Variants in COMMD10 observed in about 807,000 individuals in gnomAD.
COMMD10 encodes COMM domain-containing protein 10.
Under a neutral mutation model 28.9 loss-of-function variants are expected in COMMD10, and 33 were observed. The observed-to-expected ratio is 1.14, with a 90% CI of 0.87 to 1.53. The LOEUF (loss-of-function observed/expected upper bound fraction) is 1.53, where lower values mean the gene tolerates loss of function less well. Among genes scored for constraint, COMMD10 ranks in the 40% most tolerant of loss-of-function variants. The probability of loss-of-function intolerance (pLI) is 0.00; values close to 1 mark genes in which losing one functional copy is unlikely to be tolerated. For synonymous variants in COMMD10, 110 were observed against 81.7 expected, an observed-to-expected ratio of 1.35 and a Z score of -1.87; for missense variants, 310 against 233.4, an observed-to-expected ratio of 1.33 and a Z score of -2.14.
chr5:116,232,768 A>G (rs1749561508), intron 5 of COMMD10, among the ~76,000 whole-genome samples: 1 of 152,176 alleles, frequency 6.6e-6, no homozygotes, highest in African/African-American at 2.4e-5. Flanking sequence ...ACGTTGAATA[A>G]TTCATTAGAC....
intron 5 of COMMD10, among the ~76,000 whole-genome samples, chr5:116,271,558 C>CT (rs1467165950): frequency 1.3e-5 from 2 of 151,574 alleles, no homozygotes; most frequent in African/African-American, 4.9e-5. Flanking sequence ...AGCATGACGA[C>CT]TAATGTGGTT....
intron 5 of COMMD10, among the ~76,000 whole-genome samples, chr5:116,146,398 T>C (rs1221845746): frequency 6.6e-6 from 1 of 151,900 alleles, no homozygotes. Context: ...GTATGTTGTT[T>C]GAATTATATT....
At position 116,108,349 on chromosome 5, in the gene COMMD10, C is replaced by G. The variant is rs1430140638; in HGVS notation, c.399+15649C>G. Among the ~76,000 whole-genome samples the G allele has an allele frequency of 5.3e-5, 8 of 152,242 alleles. No individual in the cohort carries two copies. In the South Asian group the frequency reaches 1.0e-3, roughly 20 times the overall value. ...TATAAGTCCCTGACTGAGGCTACTG[C>G]CTTTTTTTCAGAGATGCCCTGCCCA... On this transcript the variant is annotated intron_variant, in intron 4 of 6. Coordinates refer to ENST00000274458, the MANE Select transcript of COMMD10 (RefSeq NM_016144.4).
rs570678292 is a variant in COMMD10 at position 116,167,945 on chromosome 5, T to G, written c.510+33767T>G. ...TCAACTAACAGGCAAAATAACCAGCTACTGTCATAATAACAGGATCAAATT... is the reference window on the plus strand; with the variant it reads ...TCAACTAACAGGCAAAATAACCAGCGACTGTCATAATAACAGGATCAAATT... On this transcript the variant is annotated intron_variant, in intron 5 of 6. Coordinates refer to ENST00000274458, the MANE Select transcript of COMMD10 (RefSeq NM_016144.4). 1.8e-4 allele frequency among the ~76,000 whole-genome samples: 27 copies of G among 152,232 alleles called. No homozygotes were observed. In the South Asian group the frequency reaches 5.4e-3, roughly 30 times the overall value.
intron 5 of COMMD10, among the ~76,000 whole-genome samples, chr5:116,233,661 A>G (rs938513918): frequency 1.3e-5 from 2 of 152,198 alleles, no homozygotes; most frequent in African/African-American, 4.8e-5. Flanking sequence ...ATAAACCACG[A>G]GGAATGTTCT....
chr5:116,105,590 G>T (rs1378331844), intron 4 of COMMD10, among the ~76,000 whole-genome samples: 1 of 152,096 alleles, frequency 6.6e-6, no homozygotes, highest in East Asian at 1.9e-4. Flanking sequence ...TCTAGTCTGG[G>T]ACTTTTTTTG....
At chr5:116,242,870 A>T (rs978896843) in intron 5 of COMMD10, among the ~76,000 whole-genome samples, 1 of 152,184 alleles carries the variant, frequency 6.6e-6, no homozygotes, top group Admixed American at 6.5e-5. Flanking sequence ...ATCGTTGGAT[A>T]GGCTTCAAAA....
chr5:116,089,879 G>C (rs1399978695), intron 2 of COMMD10, among the ~76,000 whole-genome samples: 2 of 152,138 alleles, frequency 1.3e-5, no homozygotes, highest in Non-Finnish European at 2.9e-5. Flanking sequence ...CTCCTATTTT[G>C]ATAAGGGCTT....
chr5:116,148,748 T>C (rs1158739858), intron 5 of COMMD10, among the ~76,000 whole-genome samples: 1 of 151,798 alleles, frequency 6.6e-6, no homozygotes, highest in Middle Eastern at 3.2e-3. Flanking sequence ...CTTTTGTGTA[T>C]CAAAGAACAT....
intron 4 of COMMD10, among the ~76,000 whole-genome samples, chr5:116,109,254 C>T (rs1270531971): frequency 6.6e-6 from 1 of 152,072 alleles, no homozygotes; most frequent in Non-Finnish European, 1.5e-5. Flanking sequence ...TGTAGTTCTC[C>T]TTGTGAAGAT....
At chr5:116,146,010 T>C (rs1752338284) in intron 5 of COMMD10, among the ~76,000 whole-genome samples, 1 of 151,906 alleles carries the variant, frequency 6.6e-6, no homozygotes, top group African/African-American at 2.4e-5. Context: ...TAGAGGTTTA[T>C]AGAGGAGCCT....
At chr5:116,256,134 T>A (rs1302175179) in intron 5 of COMMD10, among the ~76,000 whole-genome samples, 1 of 151,740 alleles carries the variant, frequency 6.6e-6, no homozygotes, top group East Asian at 1.9e-4. Context: ...TATTTTACTT[T>A]ATTAAAATGC....
intron 5 of COMMD10, among the ~76,000 whole-genome samples, chr5:116,189,630 G>C (rs2112609822): frequency 6.6e-6 from 1 of 152,256 alleles, no homozygotes; most frequent in Middle Eastern, 3.4e-3. Flanking sequence ...TTAATCCCTA[G>C]CTGTTTGGCA....
intron 5 of COMMD10, among the ~76,000 whole-genome samples, chr5:116,137,924 C>G (rs1410869218): frequency 6.6e-6 from 1 of 151,938 alleles, no homozygotes; most frequent in African/African-American, 2.4e-5. Context: ...AGATTATTTT[C>G]CTGTTCCACA....
chr5:116,134,075 C>G lies in COMMD10; in HGVS notation c.407C>G (p.Thr136Ser). 6.3e-7 allele frequency: 1 copy of G among 1,582,282 alleles called. No individual in the cohort carries two copies. The highest frequency in any genetic ancestry group is 8.7e-7 in the Non-Finnish European group (1 of 1,150,364). Reference sequence around the variant, plus strand: ...TGCACCTGTCTTTTATAGCTAGAGACCGTTGGATGGCAGCTTAACCTTCAG... The same window carrying G: ...TGCACCTGTCTTTTATAGCTAGAGAGCGTTGGATGGCAGCTTAACCTTCAG... The part of the protein sequence containing the change: ...QRILAPCKLE[T>S]VGWQLNLQMA... The change falls in exon 5 of 7, where the codon ACC becomes AGC. Residue 136 changes from threonine to serine, a missense_variant. By Grantham distance (58) the Thr-to-Ser change is moderately conservative (BLOSUM62 1). Transcript: ENST00000274458.
intron 5 of COMMD10, among the ~76,000 whole-genome samples, chr5:116,163,806 TTA>T (rs1291286175): frequency 2.6e-5 from 4 of 152,176 alleles, no homozygotes; most frequent in South Asian, 4.1e-4. Flanking sequence ...AAAGATGAAA[TTA>T]TATGTCTTTT....
chr5:116,092,656 GA>G lies in COMMD10; in HGVS notation c.358del (p.Thr120GlnfsTer15). ...CAATACGTGGTCTTCTATGGGTCAAGAAACAGTTGAAAAGTTCCGGCAGAGA... is the reference window on the plus strand; with the variant it reads ...CAATACGTGGTCTTCTATGGGTCAAGAACAGTTGAAAAGTTCCGGCAGAGA... The part of the protein sequence containing the change: ...FVNTWSSMGQ[E>X]TVEKFRQRIL... On this transcript the variant is annotated frameshift_variant, in exon 4 of 7. Coordinates refer to ENST00000274458, the MANE Select transcript of COMMD10 (RefSeq NM_016144.4). LOFTEE classifies it high-confidence loss of function. 6.2e-7 allele frequency: 1 copy of G among 1,610,172 alleles called. No homozygotes were observed. The highest frequency in any genetic ancestry group is 8.5e-7 in the Non-Finnish European group (1 of 1,178,138).
intron 1 of COMMD10, chr5:116,085,717 T>G (rs567193639): frequency 6.6e-6 from 1 of 152,306 alleles, no homozygotes; most frequent in East Asian, 1.9e-4. Flanking sequence ...TTAACATTAT[T>G]TAAGTAAAAA....
intron 5 of COMMD10, among the ~76,000 whole-genome samples, chr5:116,245,256 T>TAA (rs931103875): frequency 6.6e-6 from 1 of 152,006 alleles, no homozygotes; most frequent in Non-Finnish European, 1.5e-5. Context: ...AAGCAATGGA[T>TAA]AAATTCCTCA....
Sources: gnomAD v4.1 joint callset for allele counts (sites outside exome capture counted in the v4.1 genomes callset) on GRCh38, gnomAD v4.1.1 for gene constraint, MANE v1.5 for transcripts, NCBI Gene and HGNC (gene_info 2026-07-23, HGNC 2026-07-21) for gene names.